RORB: variants seen among roughly 807,000 people sequenced by gnomAD.
RORB encodes the protein RAR related orphan receptor B.
Under a neutral mutation model 59.1 loss-of-function variants are expected in RORB, and 6 were observed. That is an observed-to-expected ratio of 0.10 (90% CI 0.06 to 0.20). The LOEUF (loss-of-function observed/expected upper bound fraction) is 0.20, where lower values mean the gene tolerates loss of function less well. Among genes scored for constraint, RORB ranks in the 10% least tolerant of loss-of-function variants. The pLI, the probability that RORB is intolerant of heterozygous loss-of-function variation, is 1.00. For missense variants in RORB, 320 were observed against 560.5 expected (o/e 0.57, Z 4.33); for synonymous variants, 215 against 204.5 (o/e 1.05, Z -0.44).
chr9:74,621,877 T>C (rs950625050), intron 1 of RORB, among the ~76,000 whole-genome samples: 5 of 152,242 alleles, frequency 3.3e-5, no homozygotes, highest in Admixed American at 6.5e-5. Flanking sequence ...CTTCTTTGGT[T>C]AAGTGTCTAT....
chr9:74,516,553 A>AAAGGAAAT (rs553204474), intron 1 of RORB, among the ~76,000 whole-genome samples: 57 of 152,172 alleles, frequency 3.7e-4, no homozygotes, highest in African/African-American at 1.3e-3. Flanking sequence ...CTTTTGAAAA[A>AAAGGAAAT]AAGGAAATCT....
At chr9:74,574,107 C>T (rs1473106791) in intron 1 of RORB, among the ~76,000 whole-genome samples, 1 of 152,094 alleles carries the variant, frequency 6.6e-6, no homozygotes, top group Admixed American at 6.6e-5. Flanking sequence ...CTTTTATTGA[C>T]GGCCTCCTCA....
intron 1 of RORB, among the ~76,000 whole-genome samples, chr9:74,510,250 C>T (rs1825918316): frequency 6.6e-6 from 1 of 152,088 alleles, no homozygotes; most frequent in African/African-American, 2.4e-5. Context: ...TGGGTTTCTT[C>T]CTCTTATATT....
At chr9:74,628,665 T>C (rs895221897) in intron 1 of RORB, among the ~76,000 whole-genome samples, 2 of 152,248 alleles carry the variant, frequency 1.3e-5, no homozygotes, top group African/African-American at 4.8e-5. Flanking sequence ...CATTTATTTG[T>C]TTTGTATATG....
At chr9:74,609,815 G>A (rs554413716) in intron 1 of RORB, among the ~76,000 whole-genome samples, 2 of 152,200 alleles carry the variant, frequency 1.3e-5, no homozygotes, top group Admixed American at 6.5e-5. Flanking sequence ...TTGTCAACTG[G>A]GCCTATTTTG....
At chr9:74,649,157 C>T (rs1302396812) in intron 4 of RORB, among the ~76,000 whole-genome samples, 1 of 152,006 alleles carries the variant, frequency 6.6e-6, no homozygotes, top group Non-Finnish European at 1.5e-5. Flanking sequence ...ACCATGTTGA[C>T]TAGGCTGGTC....
rs1308682445 is a variant in RORB at position 74,527,802 on chromosome 9, G to A, written c.7+29819G>A. ...GTTTTGTCACTACAAACGAGCCCAG[G>A]CTTTGACTAAGAATGTTTTCACTCT... On this transcript the variant is annotated intron_variant, in intron 1 of 9. Transcript: ENST00000376896. Among the ~76,000 whole-genome samples the A allele has an allele frequency of 2.0e-5, 3 of 152,076 alleles. No individual in the cohort carries two copies. The East Asian group carries it at 5.8e-4, about 30-fold the overall frequency.
intron 5 of RORB, 144 bp downstream of exon 5, chr9:74,660,882 G>C: frequency 1.3e-6 from 1 of 771,988 alleles, no homozygotes; most frequent in South Asian, 2.1e-5. Context: ...CAGCATCCCT[G>C]GCCCTACCCA....
intron 3 of RORB, among the ~76,000 whole-genome samples, chr9:74,636,980 G>A (rs1464233127): frequency 1.3e-5 from 2 of 152,174 alleles, no homozygotes; most frequent in Non-Finnish European, 2.9e-5. Context: ...TGCCTAGTAT[G>A]TAGTATTGAA....
intron 4 of RORB, among the ~76,000 whole-genome samples, chr9:74,643,205 C>T (rs1045084991): frequency 2.6e-5 from 4 of 152,080 alleles, no homozygotes; most frequent in African/African-American, 9.7e-5. Context: ...AATAACCAAA[C>T]GAACAGGGGC....
At chr9:74,673,626 C>T (rs2118551712) in intron 9 of RORB, among the ~76,000 whole-genome samples, 1 of 152,172 alleles carries the variant, frequency 6.6e-6, no homozygotes, top group South Asian at 2.1e-4. Context: ...AGGAAGAAGG[C>T]AGAAATTGAA....
chr9:74,515,570 C>A (rs1277736239), intron 1 of RORB, among the ~76,000 whole-genome samples: 1 of 151,864 alleles, frequency 6.6e-6, no homozygotes. Flanking sequence ...AAGATTCCTC[C>A]AAGAATCTAA....
rs149393293 is a variant in RORB, at chr9:74,616,439, T to C, written c.8-13843T>C. On this transcript the variant is annotated intron_variant, in intron 1 of 9. Coordinates refer to ENST00000376896, the MANE Select transcript of RORB (RefSeq NM_006914.4). ...CACATCTTTCCACAATGCTTATAGC[T>C]TCCTGGTGCTTGTATTTGTAGGAAA... is the stretch of plus-strand genomic sequence containing the variant. Among the ~76,000 whole-genome samples, 698 of 152,328 alleles carry C rather than the reference T, an allele frequency of 4.6e-3. 2 individuals are homozygous for C. The highest frequency in any genetic ancestry group is 7.7e-3 in the Non-Finnish European group (525 of 68,028).
intron 3 of RORB, among the ~76,000 whole-genome samples, chr9:74,640,397 A>G (rs1394407465): frequency 6.6e-6 from 1 of 151,554 alleles, no homozygotes; most frequent in African/African-American, 2.4e-5. Flanking sequence ...ACACACCACC[A>G]CGCCCACAAG....
intron 1 of RORB, among the ~76,000 whole-genome samples, chr9:74,576,776 AT>A (rs1334110444): frequency 6.6e-6 from 1 of 152,100 alleles, no homozygotes; most frequent in Non-Finnish European, 1.5e-5. Flanking sequence ...TTTAAAGAAC[AT>A]TCTTATATAA....
At chr9:74,585,529 AG>A (rs1288210076) in intron 1 of RORB, among the ~76,000 whole-genome samples, 5 of 152,152 alleles carry the variant, frequency 3.3e-5, no homozygotes, top group African/African-American at 1.2e-4. Context: ...ATCTTGGTAA[AG>A]TCCTCTCCTC....
At chr9:74,588,143 G>A (rs1822831181) in intron 1 of RORB, among the ~76,000 whole-genome samples, 1 of 152,080 alleles carries the variant, frequency 6.6e-6, no homozygotes, top group Non-Finnish European at 1.5e-5. Flanking sequence ...ATGGTGGCGA[G>A]AAGAGTAGAC....
chr9:74,512,475 T>A (rs1825952614), intron 1 of RORB, among the ~76,000 whole-genome samples: 1 of 152,206 alleles, frequency 6.6e-6, no homozygotes, highest in African/African-American at 2.4e-5. Flanking sequence ...CATATATTAG[T>A]ACTAACACCC....
intron 1 of RORB, among the ~76,000 whole-genome samples, chr9:74,596,149 A>G (rs189373611): frequency 6.6e-6 from 1 of 152,156 alleles, no homozygotes; most frequent in Non-Finnish European, 1.5e-5. Flanking sequence ...CTTGAAATCC[A>G]GTCATTTTCT....
Sources: gnomAD v4.1 joint callset for allele counts (sites outside exome capture counted in the v4.1 genomes callset) on GRCh38, gnomAD v4.1.1 for gene constraint, MANE v1.5 for transcripts, NCBI Gene and HGNC (gene_info 2026-07-23, HGNC 2026-07-21) for gene names.